The following RELCH variants were observed in gnomAD, a reference collection of about 807,000 sequenced individuals.
The protein encoded by RELCH is RAB11 binding and LisH domain, coiled-coil and HEAT repeat containing, also known as RAB11-binding protein RELCH.
A neutral mutation model predicts 150.3 loss-of-function variants in RELCH; 41 were observed. The observed-to-expected ratio is 0.27, with a 90% CI of 0.21 to 0.35. The LOEUF is 0.35. Ranked by LOEUF, RELCH falls within the 10% of genes least tolerant of loss-of-function variation. The probability of loss-of-function intolerance (pLI) is 1.00; values close to 1 mark genes in which losing one functional copy is unlikely to be tolerated. For missense variants in RELCH, 1,092 were observed against 1,467.8 expected (o/e 0.74, Z 4.18); for synonymous variants, 478 against 531.8 (o/e 0.90, Z 1.39).
At chr18:62,228,240 AT>A (rs1370258678) in intron 7 of RELCH, 64 bp from the exon 8 acceptor site, 3 of 1,262,656 alleles carry the variant, frequency 2.4e-6, no homozygotes, top group Non-Finnish European at 3.3e-6. Flanking sequence ...CCATTATGAG[AT>A]TTATGCTAGT....
intron 1 of RELCH, among the ~76,000 whole-genome samples, chr18:62,205,511 C>T (rs1394212424): frequency 1.3e-5 from 2 of 152,156 alleles, no homozygotes; most frequent in Non-Finnish European, 2.9e-5. Flanking sequence ...CAGCATAAAG[C>T]GTTTGAGATT....
chr18:62,245,011 T>C (rs2042330144), intron 11 of RELCH, 135 bp downstream of exon 11: 4 of 606,592 alleles, frequency 6.6e-6, no homozygotes, highest in Non-Finnish European at 1.2e-5. Flanking sequence ...GCTGGAGCAT[T>C]CCCCCATCAT....
chr18:62,207,437 AT>A (rs1361196072), intron 1 of RELCH, among the ~76,000 whole-genome samples: 1 of 152,102 alleles, frequency 6.6e-6, no homozygotes, highest in Admixed American at 6.5e-5. Flanking sequence ...CTTTTTTGCC[AT>A]TGTGAATAAT....
intron 13 of RELCH, among the ~76,000 whole-genome samples, chr18:62,256,685 TTAAA>T (rs2043007566): frequency 6.6e-6 from 1 of 152,044 alleles, no homozygotes; most frequent in African/African-American, 2.4e-5. Flanking sequence ...TGTTCATGAC[TTAAA>T]TAGAGTAATG....
chr18:62,206,300 A>G (rs1790679372), intron 1 of RELCH, among the ~76,000 whole-genome samples: 1 of 152,226 alleles, frequency 6.6e-6, no homozygotes, highest in South Asian at 2.1e-4. Flanking sequence ...CTTAGCAGGT[A>G]TAATTAAACT....
Position 62,309,564 on chromosome 18 carries a change from A to G in RELCH, c.*4030A>G, listed in dbSNP as rs1359842469. 6.6e-6 allele frequency: 1 copy of G among 152,198 alleles called. No homozygotes were observed. Among genetic ancestry groups the G allele is most frequent in the Non-Finnish European group, 1.5e-5 (1 of 68,028 alleles). The allele number at this position is 152,198 out of a possible 1,614,324, so 9.4% of individuals were successfully genotyped here. On this transcript the variant is annotated 3_prime_UTR_variant, in exon 29 of 29. Transcript: ENST00000644646. ...ATAAAGTACATAACAGTTAATATAA[A>G]CTTAATATTGCATCAAAAACAAATA...
chr18:62,280,624 C>T, intron 23 of RELCH, 22 bp from the exon 24 acceptor site: 1 of 1,588,722 alleles, frequency 6.3e-7, no homozygotes, highest in South Asian at 1.1e-5. Flanking sequence ...TCTTCAGTTT[C>T]TTTCTGTTTT....
chr18:62,203,015 G>T (rs2039548128), intron 1 of RELCH, among the ~76,000 whole-genome samples: 1 of 152,166 alleles, frequency 6.6e-6, no homozygotes, highest in Non-Finnish European at 1.5e-5. Context: ...TAAGAGAAGA[G>T]AAGATAGTAC....
At chr18:62,290,563 T>C (rs549571077) in intron 26 of RELCH, among the ~76,000 whole-genome samples, 2 of 152,296 alleles carry the variant, frequency 1.3e-5, no homozygotes, top group East Asian at 1.9e-4. Flanking sequence ...GGAACTCACT[T>C]ACTGGCTTTT....
rs1414082475 is a variant in RELCH, at chr18:62,287,397, G to C, written c.3300G>C (p.Gln1100His). 1 of 1,610,464 alleles carries C rather than the reference G, an allele frequency of 6.2e-7. No homozygotes were observed. Residue 1100 changes from glutamine to histidine, a missense_variant, in exon 26 of 29, where the codon CAG (glutamine) becomes CAC (histidine). Transcript: ENST00000644646. ...LHKLALVNNL[Q>H]IVDSKRLDIA... The stretch of plus-strand genomic sequence containing the variant: ...AGTTAGCCTTGGTGAACAACTTACA[G>C]ATTGTGGATTCTAAAAGACTGGACA...
intron 19 of RELCH, among the ~76,000 whole-genome samples, chr18:62,267,418 G>A: frequency 6.9e-6 from 1 of 144,566 alleles, no homozygotes; most frequent in South Asian, 2.2e-4. Flanking sequence ...TATATATATA[G>A]TCTAGGTATA....
At chr18:62,255,615 G>C (rs1263354527) in intron 13 of RELCH, 137 bp downstream of exon 13, 2 of 674,950 alleles carry the variant, frequency 3.0e-6, no homozygotes, top group Non-Finnish European at 5.1e-6. Flanking sequence ...ATCCAAAAAA[G>C]AGACTCACAT....
At chr18:62,199,936 T>G (rs17069560) in intron 1 of RELCH, among the ~76,000 whole-genome samples, 2,600 of 151,950 alleles carry the variant, frequency 0.017, 85 homozygotes, top group East Asian at 0.13. Flanking sequence ...TGGCATAAAA[T>G]AAGTGGTCAA....
In RELCH at chr18:62,249,843, TATATA is replaced by T. The variant is rs533027718; in HGVS notation, c.1734-2814_1734-2810del. 3.7e-3 allele frequency among the ~76,000 whole-genome samples: 557 copies of T among 152,180 alleles called. 2 individuals are homozygous for T. The highest frequency in any genetic ancestry group is 0.013 in the African/African-American group (526 of 41,558). On this transcript the variant is annotated intron_variant, in intron 11 of 28. Transcript: ENST00000644646. ...AATATATTCATTATTAGCTATGTGT[TATATA>T]ATATAAATAACATGAAAAAAGCAAA...
intron 1 of RELCH, 95 bp downstream of exon 1, chr18:62,188,126 A>G: frequency 3.7e-6 from 5 of 1,345,388 alleles, no homozygotes; most frequent in South Asian, 1.6e-5. Context: ...GGGTCCCGAT[A>G]GGGACATTTT....
chr18:62,272,797 T>C (rs1568415042), intron 20 of RELCH, among the ~76,000 whole-genome samples: 1 of 148,882 alleles, frequency 6.7e-6, no homozygotes, highest in Non-Finnish European at 1.5e-5. Context: ...TTATAGCTCT[T>C]ATTTCACATT....
chr18:62,277,992 C>T (rs967012886), intron 22 of RELCH: 2 of 234,958 alleles, frequency 8.5e-6, no homozygotes, highest in African/African-American at 2.3e-5. Flanking sequence ...AGTTACTTTC[C>T]GAAGCCTCAG....
chr18:62,204,774 A>C (rs56848469), intron 1 of RELCH, among the ~76,000 whole-genome samples: 1,777 of 152,280 alleles, frequency 0.012, 27 homozygotes, highest in East Asian at 0.052. Context: ...CAATATTTTG[A>C]AATTTGTTTC....
intron 1 of RELCH, among the ~76,000 whole-genome samples, chr18:62,207,731 G>A (rs1029386828): frequency 2.6e-5 from 4 of 152,106 alleles, no homozygotes; most frequent in Non-Finnish European, 5.9e-5. Context: ...GTGGTTCTCT[G>A]TGCATTTACA....
Sources: gnomAD v4.1 joint callset for allele counts (sites outside exome capture counted in the v4.1 genomes callset) on GRCh38, gnomAD v4.1.1 for gene constraint, MANE v1.5 for transcripts, NCBI Gene and HGNC (gene_info 2026-07-23, HGNC 2026-07-21) for gene names.